PRR16: variants seen among roughly 807,000 people sequenced by gnomAD.
PRR16 encodes protein Largen.
In PRR16, 6 loss-of-function variants were observed where a neutral mutation model predicts 18.2. That is an observed-to-expected ratio of 0.33 (90% CI 0.18 to 0.65). The LOEUF is 0.65. Among genes scored for constraint, PRR16 ranks in the 30% least tolerant of loss-of-function variants. PRR16 has a pLI of 0.74. For synonymous variants in PRR16, 151 were observed against 147.8 expected (o/e 1.02, Z -0.16); for missense variants, 412 against 376.6 (o/e 1.09, Z -0.78).
At chr5:120,585,268 C>T (rs182785325) in intron 1 of PRR16, among the ~76,000 whole-genome samples, 3 of 152,202 alleles carry the variant, frequency 2.0e-5, no homozygotes, top group Admixed American at 2.0e-4. Flanking sequence ...TGTAAGAAAA[C>T]TGAGCTGATT....
At chr5:120,659,105 C>T (rs1469965400) in intron 1 of PRR16, among the ~76,000 whole-genome samples, 2 of 151,886 alleles carry the variant, frequency 1.3e-5, no homozygotes, top group South Asian at 2.1e-4. Flanking sequence ...TTAAAATGCT[C>T]AAAGGGTTCA....
In PRR16 at chr5:120,638,528, G is replaced by A. The variant is rs563987388; in HGVS notation, c.160-47426G>A. Among the ~76,000 whole-genome samples, 12 of 152,162 alleles carry A rather than the reference G, an allele frequency of 7.9e-5. No homozygotes were observed. In the South Asian group the frequency reaches 1.5e-3, roughly 18 times the overall value. On this transcript the variant is annotated intron_variant, in intron 1 of 1. Transcript: ENST00000407149. ...TATTGACTTATTTAAGTCTAACAAG[G>A]TCATGAGATTCTATTATAATCCCAT...
At chr5:120,740,742 T>C in the PRR16 span, among the ~76,000 whole-genome samples, 1 of 152,138 alleles carries the variant, frequency 6.6e-6, no homozygotes, top group African/African-American at 2.4e-5. Context: ...TTCATAGGAA[T>C]TGGGGGAGGG....
the PRR16 span, among the ~76,000 whole-genome samples, chr5:120,734,629 A>G: frequency 6.6e-6 from 1 of 152,182 alleles, no homozygotes; most frequent in African/African-American, 2.4e-5. Flanking sequence ...AATGCTTTTT[A>G]CATTTTTTTC....
Position 120,534,637 on chromosome 5 carries a change from TTC to T in PRR16, c.159+69997_159+69998del, listed in dbSNP as rs1751657749. ...CTTATTTCTATCTCTGACCTTTTTC[TTC>T]TCTCCTTACACACTCAGCATAAGTT... is the stretch of plus-strand genomic sequence containing the variant. On this transcript the variant is annotated intron_variant, in intron 1 of 1. Transcript: ENST00000407149. Among the ~76,000 whole-genome samples the T allele has an allele frequency of 2.0e-5, 3 of 152,332 alleles. No homozygotes were observed. In the South Asian group the frequency reaches 6.2e-4, roughly 32 times the overall value.
chr5:120,565,221 C>G (rs910999360), intron 1 of PRR16, among the ~76,000 whole-genome samples: 23 of 152,132 alleles, frequency 1.5e-4, no homozygotes, highest in African/African-American at 5.5e-4. Flanking sequence ...GTCTGATGAT[C>G]CACTTATATG....
chr5:120,606,725 A>G (rs1453180826), intron 1 of PRR16, among the ~76,000 whole-genome samples: 1 of 152,044 alleles, frequency 6.6e-6, no homozygotes, highest in African/African-American at 2.4e-5. Context: ...CAACATAGTG[A>G]GACCTCATCT....
At chr5:120,776,461 C>G in the PRR16 span, among the ~76,000 whole-genome samples, 1 of 151,990 alleles carries the variant, frequency 6.6e-6, no homozygotes, top group Non-Finnish European at 1.5e-5. Flanking sequence ...AATAGAAAAT[C>G]CATGAATTCA....
chr5:120,770,950 T>TCTCTCTCTCA, the PRR16 span, among the ~76,000 whole-genome samples: 462 of 148,954 alleles, frequency 3.1e-3, 9 homozygotes, highest in Admixed American at 0.022. Flanking sequence ...TCTCTCTCTC[T>TCTCTCTCTCA]CACACACACA....
At chr5:120,763,973 C>T in the PRR16 span, among the ~76,000 whole-genome samples, 291 of 152,040 alleles carry the variant, frequency 1.9e-3, no homozygotes, top group African/African-American at 6.7e-3. Context: ...TCTGTAGGAT[C>T]GTCTAAATGT....
chr5:120,501,475 A>C (rs1446946908), intron 1 of PRR16, among the ~76,000 whole-genome samples: 1 of 152,188 alleles, frequency 6.6e-6, no homozygotes, highest in Non-Finnish European at 1.5e-5. Flanking sequence ...AGTAAAAATA[A>C]GTCTAGTTTT....
the PRR16 span, among the ~76,000 whole-genome samples, chr5:120,767,353 A>G: frequency 6.6e-4 from 100 of 152,020 alleles, no homozygotes; most frequent in Admixed American, 6.5e-3. Context: ...ATCAAAGGCA[A>G]ACCTTCACAA....
At chr5:120,524,472 T>C (rs1297205777) in intron 1 of PRR16, among the ~76,000 whole-genome samples, 3 of 152,066 alleles carry the variant, frequency 2.0e-5, no homozygotes, top group African/African-American at 7.2e-5. Flanking sequence ...AACTATTATG[T>C]TGACAATTCA....
At chr5:120,570,260 T>C (rs1051482160) in intron 1 of PRR16, among the ~76,000 whole-genome samples, 12 of 152,024 alleles carry the variant, frequency 7.9e-5, no homozygotes, top group African/African-American at 2.7e-4. Context: ...ATAGGGTGCA[T>C]TGAGTGGCCC....
chr5:120,503,919 T>C (rs905833438), intron 1 of PRR16, among the ~76,000 whole-genome samples: 1 of 152,136 alleles, frequency 6.6e-6, no homozygotes, highest in African/African-American at 2.4e-5. Context: ...GATAGTTTAC[T>C]GAGAATCATG....
intron 1 of PRR16, among the ~76,000 whole-genome samples, chr5:120,549,407 C>T (rs1490013293): frequency 3.3e-5 from 5 of 152,006 alleles, no homozygotes; most frequent in Non-Finnish European, 7.4e-5. Flanking sequence ...AAAAGAGACA[C>T]TTGTTAGAAT....
At chr5:120,489,071 A>T (rs866849051) in intron 1 of PRR16, among the ~76,000 whole-genome samples, 89 of 152,208 alleles carry the variant, frequency 5.8e-4, no homozygotes, top group African/African-American at 2.0e-3. Context: ...TTTACTTCCA[A>T]GTATGTGGTC....
rs60138197 is a variant in PRR16 at position 120,676,522 on chromosome 5, A to ATGTG, written c.160-9409_160-9406dup. On this transcript the variant is annotated intron_variant, in intron 1 of 1. Transcript: ENST00000407149. ...ATGTTTATTTTATATATATATATAT[A>ATGTG]TGTGTGTGTGTGTGTGTGTGTGTGT... is the stretch of plus-strand genomic sequence containing the variant. 4.1e-3 allele frequency among the ~76,000 whole-genome samples: 516 copies of ATGTG among 126,070 alleles called. 4 individuals carry two copies. The highest frequency in any genetic ancestry group is 0.012 in the African/African-American group (426 of 34,706). The allele number at this position is 126,070 out of a possible 152,430, so 82.7% of individuals were successfully genotyped here.
chr5:120,628,817 A>T (rs192729227), intron 1 of PRR16, among the ~76,000 whole-genome samples: 185 of 152,054 alleles, frequency 1.2e-3, no homozygotes, highest in Middle Eastern at 6.8e-3. Context: ...TAGTTGTTGA[A>T]TTTCCTTAAT....
Sources: allele counts gnomAD v4.1 joint callset (sites outside exome capture counted in the v4.1 genomes callset), GRCh38; gene constraint gnomAD v4.1.1; transcripts MANE v1.5; gene names NCBI Gene and HGNC (gene_info 2026-07-23, HGNC 2026-07-21).